Variants in LRRFIP1 observed in about 807,000 individuals in gnomAD.
LRRFIP1 encodes LRR binding FLII interacting protein 1.
LRRFIP1 carries 62 observed loss-of-function variants against 104.4 expected under a neutral mutation model. That is an observed-to-expected ratio of 0.59 (90% CI 0.48 to 0.73). The LOEUF is 0.73. Among genes scored for constraint, LRRFIP1 ranks in the 30% least tolerant of loss-of-function variants. The pLI is 0.00. For synonymous variants in LRRFIP1, 300 were observed against 299.0 expected (o/e 1.00, Z -0.03); for missense variants, 796 against 824.5 (o/e 0.97, Z 0.42).
rs1464207845 is a variant in LRRFIP1, at chr2:237,779,945, T to G, written c.*413T>G. 9.6e-5 allele frequency: 15 copies of G among 156,214 alleles called. No homozygotes were observed. Among genetic ancestry groups the G allele is most frequent in the Admixed American group, 9.5e-4 (15 of 15,730 alleles). 9.7% of individuals were successfully genotyped at this position (156,214 alleles called of 1,614,324 possible). On this transcript the variant is annotated 3_prime_UTR_variant, in exon 24 of 24. Coordinates refer to ENST00000308482, the MANE Select transcript of LRRFIP1 (RefSeq NM_001137550.2). ...GAAATGTTACAGTGTTGGGACTTCC[T>G]TTCATGGCAGAATCTACAATTTGAG...
intron 19 of LRRFIP1, chr2:237,768,147 CTT>C (rs1559850882): frequency 6.6e-6 from 1 of 152,154 alleles, no homozygotes; most frequent in African/African-American, 2.4e-5. Context: ...AACTAGTACT[CTT>C]TATTTTCTTC....
intron 1 of LRRFIP1, among the ~76,000 whole-genome samples, chr2:237,697,483 A>G (rs182476065): frequency 4.6e-5 from 7 of 152,330 alleles, no homozygotes; most frequent in African/African-American, 1.7e-4. Flanking sequence ...TTTTCTGGGT[A>G]TGATGTAACT....
At chr2:237,666,595 G>C (rs182274422) in intron 1 of LRRFIP1, among the ~76,000 whole-genome samples, 3 of 152,022 alleles carry the variant, frequency 2.0e-5, no homozygotes, top group Non-Finnish European at 4.4e-5. Flanking sequence ...CTGGAGACAG[G>C]GAGGCCCTGA....
intron 1 of LRRFIP1, among the ~76,000 whole-genome samples, chr2:237,640,352 A>C (rs2083743726): frequency 1.3e-5 from 2 of 151,886 alleles, no homozygotes; most frequent in African/African-American, 2.4e-5. Context: ...TTAGCATGGA[A>C]GTTGATCTCT....
intron 1 of LRRFIP1, among the ~76,000 whole-genome samples, chr2:237,704,151 C>CT (rs397946161): frequency 0.48 from 59,933 of 123,948 alleles, 15,337 homozygotes; most frequent in Middle Eastern, 0.74. Context: ...TGCAGATGTT[C>CT]TTTTTTTTTT....
rs2082481929 is a variant in LRRFIP1, at chr2:237,632,261, TG to T, written c.96+4522del. The stretch of plus-strand genomic sequence containing the variant: ...GGGTTGCATTGCCCCCAAGGCAGCC[TG>T]CAGCCATCAAGTAACCATTTTGTGA... On this transcript the variant is annotated intron_variant, in intron 1 of 23. Transcript: ENST00000308482. Among the ~76,000 whole-genome samples the T allele has an allele frequency of 2.6e-5, 4 of 151,622 alleles. No homozygotes were observed. The South Asian group carries it at 8.3e-4, about 31-fold the overall frequency.
chr2:237,652,968 G>A (rs2086181205), intron 1 of LRRFIP1, among the ~76,000 whole-genome samples: 1 of 152,176 alleles, frequency 6.6e-6, no homozygotes, highest in Admixed American at 6.5e-5. Flanking sequence ...CTGTTCTTGT[G>A]ATAGTGAGTT....
Position 237,735,479 on chromosome 2 carries a change from G to A in LRRFIP1, c.555+146G>A. On this transcript the variant is annotated intron_variant, in intron 10 of 23. Coordinates refer to ENST00000308482, the MANE Select transcript of LRRFIP1 (RefSeq NM_001137550.2). This position sits in a 1 kb window ranked among gnomAD's most constrained non-coding sequence, Gnocchi z 4.6. ...ACCGGGCTAACCGCCACCTTCCATT[G>A]TAATGAAGGTCACAAATAATGTGAA... 1 of 655,504 alleles carries A rather than the reference G, an allele frequency of 1.5e-6. No homozygotes were observed. Among genetic ancestry groups the A allele is most frequent in the South Asian group, 2.0e-5 (1 of 50,250 alleles). The allele number at this position is 655,504 out of a possible 1,614,324, so 40.6% of individuals were successfully genotyped here.
intron 2 of LRRFIP1, among the ~76,000 whole-genome samples, chr2:237,712,003 G>A (rs2094119694): frequency 6.6e-6 from 1 of 152,160 alleles, no homozygotes; most frequent in East Asian, 1.9e-4. Flanking sequence ...TTCAAAAGAG[G>A]GATCGAAAGA....
intron 22 of LRRFIP1, chr2:237,773,925 C>T (rs925638936): frequency 2.5e-5 from 4 of 161,316 alleles, no homozygotes; most frequent in South Asian, 1.7e-4. Context: ...AATGCCATGC[C>T]GAAGCCGCCT....
At position 237,729,386 on chromosome 2, in the gene LRRFIP1, G is replaced by A. The variant is rs565255576; in HGVS notation, c.444+1451G>A. Among the ~76,000 whole-genome samples, 23 of 152,332 alleles carry A rather than the reference G, an allele frequency of 1.5e-4. No individual in the cohort carries two copies. In the East Asian group the frequency reaches 1.7e-3, roughly 12 times the overall value. On this transcript the variant is annotated intron_variant, in intron 8 of 23. Coordinates refer to ENST00000308482, the MANE Select transcript of LRRFIP1 (RefSeq NM_001137550.2). The stretch of plus-strand genomic sequence containing the variant: ...CAGGGCTGAGCTATAGCCCGCAGGC[G>A]GGCTGGGCTGAAGAAAGATTGAAAA...
chr2:237,762,736 T>C (rs2060003149), intron 19 of LRRFIP1: 1 of 1,614,086 alleles, frequency 6.2e-7, no homozygotes, highest in Non-Finnish European at 8.5e-7. Context: ...AGGTATTCCC[T>C]GCTGGTGAGA....
In LRRFIP1 at chr2:237,639,822, C is replaced by T. The variant is rs146371698; in HGVS notation, c.96+12082C>T. Among the ~76,000 whole-genome samples the T allele has an allele frequency of 7.9e-3, 1,203 of 152,262 alleles. 14 individuals carry two copies. Among genetic ancestry groups the T allele is most frequent in the African/African-American group, 0.027 (1,126 of 41,544 alleles). Reference sequence around the variant, plus strand: ...CTGGGTAATTCTCTGTCCTGGGGGGCGCTGTCCTATGCATTATAGGATTTT... The same window carrying T: ...CTGGGTAATTCTCTGTCCTGGGGGGTGCTGTCCTATGCATTATAGGATTTT... On this transcript the variant is annotated intron_variant, in intron 1 of 23. Transcript: ENST00000308482.
chr2:237,629,562 C>A (rs1347249269), intron 1 of LRRFIP1, among the ~76,000 whole-genome samples: 1 of 150,580 alleles, frequency 6.6e-6, no homozygotes, highest in African/African-American at 2.5e-5. Flanking sequence ...ACCTCCACCT[C>A]CCAGGCTCAA....
intron 1 of LRRFIP1, among the ~76,000 whole-genome samples, chr2:237,706,511 A>G (rs962034243): frequency 6.6e-6 from 1 of 152,200 alleles, no homozygotes; most frequent in East Asian, 1.9e-4. Context: ...CTTACCAGGA[A>G]GGGCTGCACT....
At chr2:237,733,893 C>A in intron 9 of LRRFIP1, 75 bp downstream of exon 9, 1 of 1,507,786 alleles carries the variant, frequency 6.6e-7, no homozygotes, top group Non-Finnish European at 9.2e-7. Context: ...AGCCCAGAGC[C>A]GGGGATGTGC....
chr2:237,688,452 T>A (rs1559546804), intron 1 of LRRFIP1, among the ~76,000 whole-genome samples: 1 of 84,962 alleles, frequency 1.2e-5, no homozygotes, highest in Admixed American at 1.7e-4. Flanking sequence ...TTTTTTTTTT[T>A]TTTCTTTTTT....
chr2:237,662,769 G>A (rs1490054037), intron 1 of LRRFIP1, among the ~76,000 whole-genome samples: 1 of 151,948 alleles, frequency 6.6e-6, no homozygotes, highest in Non-Finnish European at 1.5e-5. Flanking sequence ...TCCAGAGGCG[G>A]GGCTTGGACA....
At chr2:237,772,439 C>A in intron 21 of LRRFIP1, 1 of 476,216 alleles carries the variant, frequency 2.1e-6, no homozygotes, top group South Asian at 3.4e-5. Context: ...CATGTTGTGC[C>A]GATGGAAACC....
Sources: allele counts gnomAD v4.1 joint callset (sites outside exome capture counted in the v4.1 genomes callset), GRCh38; gene constraint gnomAD v4.1.1; non-coding constraint Gnocchi (gnomAD v3.1); transcripts MANE v1.5; gene names NCBI Gene and HGNC (gene_info 2026-07-23, HGNC 2026-07-21).